Variants in SLC44A5 observed in about 807,000 individuals in gnomAD.
SLC44A5 encodes choline transporter-like protein 5.
In SLC44A5, 57 loss-of-function variants were observed where a neutral mutation model predicts 101.8. That is an observed-to-expected ratio of 0.56 (90% CI 0.45 to 0.70). The LOEUF is 0.70. SLC44A5 is among the 30% of genes least tolerant of loss of function. The pLI, the probability that SLC44A5 is intolerant of heterozygous loss-of-function variation, is 0.00. For synonymous variants in SLC44A5, 281 were observed against 290.9 expected (o/e 0.97, Z 0.35); for missense variants, 737 against 853.1 (o/e 0.86, Z 1.70).
intron 2 of SLC44A5, among the ~76,000 whole-genome samples, chr1:75,476,260 C>A (rs114126166): frequency 0.019 from 2,914 of 152,090 alleles, 100 homozygotes; most frequent in African/African-American, 0.067. Flanking sequence ...TACCTACTAA[C>A]TGGGGAGCAG....
chr1:75,497,284 T>G (rs1006204771), intron 2 of SLC44A5, among the ~76,000 whole-genome samples: 28 of 152,126 alleles, frequency 1.8e-4, no homozygotes, highest in Admixed American at 7.2e-4. Context: ...TGTGTGTGTG[T>G]GGGTGTTTTA....
chr1:75,630,636 G>C, the SLC44A5 span, among the ~76,000 whole-genome samples: 296 of 152,062 alleles, frequency 1.9e-3, no homozygotes, highest in Middle Eastern at 3.4e-3. Flanking sequence ...CTATCTGACT[G>C]GTCCAAATTC....
At chr1:75,401,692 C>T (rs1358389192) in intron 2 of SLC44A5, among the ~76,000 whole-genome samples, 1 of 151,996 alleles carries the variant, frequency 6.6e-6, no homozygotes, top group African/African-American at 2.4e-5. Context: ...ATAGAAGGCC[C>T]CAGCTGCTCC....
At chr1:75,499,669 C>T (rs1265684471) in intron 2 of SLC44A5, among the ~76,000 whole-genome samples, 1 of 152,162 alleles carries the variant, frequency 6.6e-6, no homozygotes, top group Non-Finnish European at 1.5e-5. Flanking sequence ...AGCTAGTTAC[C>T]TCTTTGACTA....
chr1:75,256,658 T>C (rs1047841762), intron 6 of SLC44A5, among the ~76,000 whole-genome samples: 1 of 152,178 alleles, frequency 6.6e-6, no homozygotes, highest in East Asian at 1.9e-4. Flanking sequence ...TCTGATCATG[T>C]AAAATGGTAT....
intron 2 of SLC44A5, among the ~76,000 whole-genome samples, chr1:75,417,588 A>G (rs1230654097): frequency 6.6e-6 from 1 of 152,258 alleles, no homozygotes. Context: ...ATGAGTTTGG[A>G]AGACTGATGA....
chr1:75,501,241 C>G (rs1257287354), intron 2 of SLC44A5, among the ~76,000 whole-genome samples: 1 of 152,092 alleles, frequency 6.6e-6, no homozygotes, highest in Non-Finnish European at 1.5e-5. Context: ...CAGGGAGAGA[C>G]AAAGAGCCAG....
chr1:75,702,367 C>T, the SLC44A5 span, among the ~76,000 whole-genome samples: 1 of 152,102 alleles, frequency 6.6e-6, no homozygotes, highest in Non-Finnish European at 1.5e-5. Context: ...TATCTACAAC[C>T]ATCTGATCTT....
chr1:75,295,103 A>G (rs1653861263), intron 5 of SLC44A5, among the ~76,000 whole-genome samples: 1 of 152,222 alleles, frequency 6.6e-6, no homozygotes, highest in South Asian at 2.1e-4. Flanking sequence ...TGTGGAGATC[A>G]TTACACAAGA....
chr1:75,713,939 T>C, the SLC44A5 span, among the ~76,000 whole-genome samples: 1 of 151,398 alleles, frequency 6.6e-6, no homozygotes, highest in Non-Finnish European at 1.5e-5. Flanking sequence ...AGTAGCTGCG[T>C]GTACAGGTGT....
intron 4 of SLC44A5, among the ~76,000 whole-genome samples, chr1:75,309,743 T>C (rs773543036): frequency 6.6e-6 from 1 of 152,200 alleles, no homozygotes; most frequent in Non-Finnish European, 1.5e-5. Flanking sequence ...TACATACCTA[T>C]TGAATGGATC....
chr1:75,523,511 G>A (rs1158438730), intron 2 of SLC44A5, among the ~76,000 whole-genome samples: 1 of 151,184 alleles, frequency 6.6e-6, no homozygotes, highest in Non-Finnish European at 1.5e-5. Context: ...TAATAGAGAT[G>A]GAGTTTTGCC....
intron 23 of SLC44A5, 42 bp downstream of exon 23, chr1:75,211,426 G>C (rs1466679847): frequency 6.7e-7 from 1 of 1,498,172 alleles, no homozygotes. Flanking sequence ...TCACCTTTCA[G>C]TTATCCACCG....
At chr1:75,542,693 ATTAC>A (rs1190315642) in intron 1 of SLC44A5, among the ~76,000 whole-genome samples, 1 of 152,116 alleles carries the variant, frequency 6.6e-6, no homozygotes, top group Non-Finnish European at 1.5e-5. Context: ...GTCTGAATGT[ATTAC>A]TTACAAAGTT....
intron 6 of SLC44A5, among the ~76,000 whole-genome samples, chr1:75,264,780 G>GTT (rs1326569205): frequency 6.6e-6 from 1 of 151,736 alleles, no homozygotes; most frequent in African/African-American, 2.4e-5. Context: ...AAATAAAAAT[G>GTT]AGAAGAGAAC....
At chr1:75,663,208 T>C in the SLC44A5 span, among the ~76,000 whole-genome samples, 1 of 152,110 alleles carries the variant, frequency 6.6e-6, no homozygotes, top group Non-Finnish European at 1.5e-5. Flanking sequence ...TAACCCTCAA[T>C]GTGATGGTGT....
At chr1:75,264,035 C>T (rs1650773685) in intron 6 of SLC44A5, among the ~76,000 whole-genome samples, 1 of 150,294 alleles carries the variant, frequency 6.7e-6, no homozygotes, top group Admixed American at 6.7e-5. Context: ...GTGTAGACGA[C>T]AGGTTGATAG....
rs79133084 is a variant in SLC44A5 at position 75,525,799 on chromosome 1, C to A, written c.13+15636G>T. ...AATATTATGGTAAATATTATGTCTGCAACATATTTTCAAGGTGTTCGGAAA... is the reference window on the plus strand; with the variant it reads ...AATATTATGGTAAATATTATGTCTGAAACATATTTTCAAGGTGTTCGGAAA... On this transcript the variant is annotated intron_variant, in intron 2 of 23. Coordinates refer to ENST00000370859, the MANE Select transcript of SLC44A5 (RefSeq NM_001130058.2). Among the ~76,000 whole-genome samples, 882 of 152,170 alleles carry A rather than the reference C, an allele frequency of 5.8e-3. 4 individuals are homozygous for A. Among genetic ancestry groups the A allele is most frequent in the African/African-American group, 0.02 (845 of 41,520 alleles).
the SLC44A5 span, among the ~76,000 whole-genome samples, chr1:75,657,892 G>T: frequency 1.1e-4 from 17 of 152,066 alleles, 1 homozygote; most frequent in Admixed American, 1.0e-3. Flanking sequence ...CAATAGACAG[G>T]TCATTGAAAC....
Sources: gnomAD v4.1 joint callset for allele counts (sites outside exome capture counted in the v4.1 genomes callset) on GRCh38, gnomAD v4.1.1 for gene constraint, MANE v1.5 for transcripts, NCBI Gene and HGNC (gene_info 2026-07-23, HGNC 2026-07-21) for gene names.